Variants in GSDME observed in about 807,000 individuals in gnomAD.
GSDME encodes gasdermin-E.
A neutral mutation model predicts 47.5 loss-of-function variants in GSDME; 44 were observed. That is an observed-to-expected ratio of 0.93 (90% confidence interval 0.73 to 1.19). The LOEUF (loss-of-function observed/expected upper bound fraction) is 1.19. GSDME is among the 50% of genes most tolerant of loss of function. The probability of loss-of-function intolerance (pLI) is 0.00; values close to 1 mark genes in which losing one functional copy is unlikely to be tolerated. For missense variants in GSDME, 663 were observed against 604.2 expected (o/e 1.10, Z -1.02); for synonymous variants, 258 against 252.8 (o/e 1.02, Z -0.20).
At position 24,728,497 on chromosome 7, in the gene GSDME, G is replaced by A. The variant is rs1790042747; in HGVS notation, c.405-9279C>T. On this transcript the variant is annotated intron_variant, in intron 3 of 9. Coordinates refer to ENST00000645220, the MANE Select transcript of GSDME (RefSeq NM_001127453.2). This position sits in a 1 kb window ranked among gnomAD's most constrained non-coding sequence, Gnocchi z 7.2. Reference sequence around the variant, plus strand: ...AAGCACGAAGAACTCAGAAGCCAAGGGGCTGGGTGAGAATGCAGCTCAGCA... The same window carrying A: ...AAGCACGAAGAACTCAGAAGCCAAGAGGCTGGGTGAGAATGCAGCTCAGCA... 1.3e-5 allele frequency among the ~76,000 whole-genome samples: 2 copies of A among 152,294 alleles called. No homozygotes were observed. The highest frequency in any genetic ancestry group is 6.5e-5 in the Admixed American group (1 of 15,302).
intron 4 of GSDME, among the ~76,000 whole-genome samples, 154 bp from the exon 5 acceptor site, chr7:24,717,528 G>C (rs1789614461): frequency 6.6e-6 from 1 of 152,170 alleles, no homozygotes; most frequent in Non-Finnish European, 1.5e-5. Context: ...CATGGGGGAT[G>C]GGGGGATTCA....
intron 8 of GSDME, 26 bp from the exon 9 acceptor site, chr7:24,702,859 C>T (rs763413511): frequency 1.4e-5 from 22 of 1,606,946 alleles, no homozygotes; most frequent in Non-Finnish European, 1.9e-5. Context: ...ATCACAGTCA[C>T]AGTCCAAAAA....
chr7:24,790,687 T>G, the GSDME span, among the ~76,000 whole-genome samples: 3 of 152,212 alleles, frequency 2.0e-5, no homozygotes, highest in African/African-American at 7.2e-5. The surrounding 1 kb of genome is among the most constrained non-coding windows in gnomAD (Gnocchi z 4.1). Flanking sequence ...GTGACTGTTC[T>G]TAATTTTATT....
At chr7:24,791,399 C>A in the GSDME span, among the ~76,000 whole-genome samples, 1 of 152,194 alleles carries the variant, frequency 6.6e-6, no homozygotes, top group African/African-American at 2.4e-5. This position sits in a 1 kb window ranked among gnomAD's most constrained non-coding sequence, Gnocchi z 4.8. Flanking sequence ...GCTCCATAAG[C>A]CTGTATGCCA....
At chr7:24,778,239 C>T in the GSDME span, among the ~76,000 whole-genome samples, 1 of 151,776 alleles carries the variant, frequency 6.6e-6, no homozygotes, top group African/African-American at 2.4e-5. The surrounding 1 kb of genome is among the most constrained non-coding windows in gnomAD (Gnocchi z 5.6). Context: ...AATCAGGTCT[C>T]AGCCTTCCCA....
chr7:24,760,311 T>C (rs1252620988), upstream of GSDME, among the ~76,000 whole-genome samples: 2 of 152,210 alleles, frequency 1.3e-5, no homozygotes, highest in Non-Finnish European at 2.9e-5. The surrounding 1 kb of genome is among the most constrained non-coding windows in gnomAD (Gnocchi z 4.2). Context: ...CAGCTCTGCA[T>C]GGCTGCCATA....
chr7:24,750,520 G>A (rs1379356225), intron 1 of GSDME, among the ~76,000 whole-genome samples: 1 of 152,164 alleles, frequency 6.6e-6, no homozygotes, highest in Non-Finnish European at 1.5e-5. Context: ...GGCTGAGGTG[G>A]GAGGATTGCT....
chr7:24,700,353 AT>A (rs1788815728), intron 9 of GSDME, among the ~76,000 whole-genome samples: 1 of 152,158 alleles, frequency 6.6e-6, no homozygotes, highest in African/African-American at 2.4e-5. Context: ...TACCCGTAAT[AT>A]TTTACAAATC....
At chr7:24,782,013 T>C in the GSDME span, among the ~76,000 whole-genome samples, 31 of 152,174 alleles carry the variant, frequency 2.0e-4, no homozygotes, top group Admixed American at 1.3e-3. Context: ...TCCAAATGGC[T>C]GAGATTACAG....
chr7:24,718,899 C>G, intron 4 of GSDME, 148 bp downstream of exon 4: 3 of 883,224 alleles, frequency 3.4e-6, no homozygotes, highest in Non-Finnish European at 5.5e-6. Flanking sequence ...CCAATACACT[C>G]TTGCTCATTT....
rs1382397330 is a variant in GSDME at position 24,710,268 on chromosome 7, T to C, written c.818A>G (p.His273Arg). The change falls in exon 6 of 10, where the codon CAT (histidine) becomes CGT (arginine). Residue 273 changes from histidine (H) to arginine (R), a missense_variant. By Grantham distance (29) the His-to-Arg change is conservative. Transcript: ENST00000645220. ...TGGTCCATCCTGGGAAGATATCCCA[T>C]GCGCAGCATCTGGCATGTCTATGAA... ...FAFIDMPDAA[H>R]GISSQDGPLS... 4 of 1,614,218 alleles carry C rather than the reference T, an allele frequency of 2.5e-6. 1 individual carries two copies. The highest frequency in any genetic ancestry group is 2.2e-5 in the South Asian group (2 of 91,082).
chr7:24,772,231 A>C, the GSDME span, among the ~76,000 whole-genome samples: 1 of 152,166 alleles, frequency 6.6e-6, no homozygotes, highest in Non-Finnish European at 1.5e-5. This position sits in a 1 kb window ranked among gnomAD's most constrained non-coding sequence, Gnocchi z 4.5. Context: ...CTGAATCCAC[A>C]GGGGCCATTT....
intron 9 of GSDME, among the ~76,000 whole-genome samples, chr7:24,699,574 A>G (rs911017131): frequency 2.0e-5 from 3 of 152,284 alleles, no homozygotes; most frequent in South Asian, 4.2e-4. Flanking sequence ...TCCTGACCTC[A>G]GGTGATCTGC....
chr7:24,783,901 C>T, the GSDME span, among the ~76,000 whole-genome samples: 1 of 151,996 alleles, frequency 6.6e-6, no homozygotes. Flanking sequence ...TGATTTCATC[C>T]TTGGATGTGT....
Position 24,733,542 on chromosome 7 carries a change from AC to A in GSDME, c.404+11019del. ...CTGGACCTACCCAGGCCCACAGGGG[AC>A]CCCACTGCCCTGAAGAGTGCGTCTC... is the stretch of plus-strand genomic sequence containing the variant. On this transcript the variant is annotated intron_variant, in intron 3 of 9. Coordinates refer to ENST00000645220, the MANE Select transcript of GSDME (RefSeq NM_001127453.2). The surrounding 1 kb of genome is among the most constrained non-coding windows in gnomAD (Gnocchi z 4.3). 6.6e-6 allele frequency among the ~76,000 whole-genome samples: 1 copy of A among 151,910 alleles called. No homozygotes were observed. The highest frequency in any genetic ancestry group is 2.0e-4 in the East Asian group (1 of 5,126).
At chr7:24,770,623 T>C in the GSDME span, among the ~76,000 whole-genome samples, 1 of 152,164 alleles carries the variant, frequency 6.6e-6, no homozygotes, top group African/African-American at 2.4e-5. The surrounding 1 kb of genome is among the most constrained non-coding windows in gnomAD (Gnocchi z 4.6). Context: ...TGTCAGAGAA[T>C]TGCAGAATCA....
chr7:24,762,249 CAA>C (rs11436239), upstream of GSDME, among the ~76,000 whole-genome samples: 9 of 131,376 alleles, frequency 6.9e-5, no homozygotes, highest in Non-Finnish European at 1.1e-4. Context: ...AACTGTGTGT[CAA>C]AAAAAAAAAA....
chr7:24,729,087 A>T (rs1790060177), intron 3 of GSDME, among the ~76,000 whole-genome samples: 1 of 152,252 alleles, frequency 6.6e-6, no homozygotes, highest in South Asian at 2.1e-4. Context: ...GGAAAAAATG[A>T]CTGAGAACCT....
chr7:24,774,244 TCTCC>T, the GSDME span, among the ~76,000 whole-genome samples: 5 of 42,184 alleles, frequency 1.2e-4, no homozygotes, highest in South Asian at 2.0e-3. Flanking sequence ...CTGTCTTCCC[TCTCC>T]CTCCCTCCCT....
Sources: allele counts gnomAD v4.1 joint callset (sites outside exome capture counted in the v4.1 genomes callset), GRCh38; gene constraint gnomAD v4.1.1; non-coding constraint Gnocchi (gnomAD v3.1); transcripts MANE v1.5; gene names NCBI Gene and HGNC (gene_info 2026-07-23, HGNC 2026-07-21).